The following ZNF599 variants were observed in gnomAD, a reference collection of about 807,000 sequenced individuals.
ZNF599 encodes the protein zinc finger protein 599.
In ZNF599, 10 loss-of-function variants were observed where a neutral mutation model predicts 11.7. That is an observed-to-expected ratio of 0.86 (90% CI 0.53 to 1.45). The LOEUF is 1.45. Among genes scored for constraint, ZNF599 ranks in the 40% most tolerant of loss-of-function variants. The pLI is 0.00. For missense variants in ZNF599, 688 were observed against 713.6 expected, an observed-to-expected ratio of 0.96 and a Z score of 0.41; for synonymous variants, 232 against 253.2, an observed-to-expected ratio of 0.92 and a Z score of 0.79.
At chr19:34,795,980 C>G in the ZNF599 span, among the ~76,000 whole-genome samples, 1 of 152,072 alleles carries the variant, frequency 6.6e-6, no homozygotes, top group Non-Finnish European at 1.5e-5. Context: ...TGCCACCACG[C>G]CCAGCTAATT....
chr19:34,759,818 T>C lies in ZNF599; in HGVS notation c.983A>G (p.Gln328Arg), dbSNP rs767378685. 6.2e-7 allele frequency: 1 copy of C among 1,614,218 alleles called. No homozygotes were observed. The highest frequency in any genetic ancestry group is 1.7e-5 in the Admixed American group (1 of 60,016). The change falls in exon 4 of 4, where the codon CAA becomes CGA. Residue 328 changes from glutamine to arginine, a missense_variant. Transcript: ENST00000329285. ...KAFYYSSSFA[Q>R]HMRIHTGKKL... ...CTTTCCAGTATGAATCCTCATATGT[T>C]GAGCAAATGAGGAGCTGTAGTAAAA...
rs2069087104 is a variant in ZNF599 at position 34,758,676 on chromosome 19, CATT to C, written c.*355_*357del. ...CTTCTAGATTGTTTCCTCCATCTCT[CATT>C]ATTTTAAAATATGCTTGAGATGGAT... On this transcript the variant is annotated 3_prime_UTR_variant, in exon 4 of 4. Transcript: ENST00000329285. The C allele has an allele frequency of 5.7e-6, 1 of 176,400 alleles. No homozygotes were observed. Among genetic ancestry groups the C allele is most frequent in the Admixed American group, 5.9e-5 (1 of 17,028 alleles). 10.9% of individuals were successfully genotyped at this position (176,400 alleles called of 1,614,324 possible).
At chr19:34,774,805 G>A (rs2069209197), upstream of ZNF599, among the ~76,000 whole-genome samples, 1 of 152,094 alleles carries the variant, frequency 6.6e-6, no homozygotes, top group African/African-American at 2.4e-5. Flanking sequence ...AAGATCTCAG[G>A]GTGATATGTT....
chr19:34,759,340 G>C lies in ZNF599; in HGVS notation c.1461C>G (p.Ala487=). The change falls in exon 4 of 4, where the codon GCC becomes GCG. Residue 487 remains alanine, a synonymous_variant. Transcript: ENST00000329285. The stretch of plus-strand genomic sequence containing the variant: ...GAGTGAAGGAAGAGCTATAGTAAAA[G>C]GCTTTTGCACATTCTTTGCACTCCA... ...KPLECKECAK[A]FYYSSSFTRH... The C allele has an allele frequency of 6.2e-7, 1 of 1,614,058 alleles. No individual in the cohort carries two copies. The highest frequency in any genetic ancestry group is 1.1e-5 in the South Asian group (1 of 91,080).
the ZNF599 span, among the ~76,000 whole-genome samples, chr19:34,802,867 G>T: frequency 1.3e-5 from 2 of 152,204 alleles, no homozygotes; most frequent in African/African-American, 4.8e-5. Flanking sequence ...CCTGGATAAT[G>T]CAAGAACTAA....
chr19:34,769,404 A>G (rs1173799244), intron 2 of ZNF599, 25 bp downstream of exon 2: 1 of 1,613,944 alleles, frequency 6.2e-7, no homozygotes, highest in African/African-American at 1.3e-5. Context: ...TGGGTCCCCT[A>G]CATGGGAGGG....
In ZNF599 at chr19:34,759,546, C is replaced by A. The variant is rs200075847; in HGVS notation, c.1255G>T (p.Gly419Ter). Residue 419 changes from glycine to a stop codon, truncating the protein, a stop_gained, in exon 4 of 4, where the codon GGA becomes TGA. Transcript: ENST00000329285. LOFTEE classifies it low-confidence loss of function (END_TRUNC). ...TFIRHKRTHT[G>*]EKPFECKECG... is the part of the protein sequence containing the mutation. ...TCTTTGCACTCAAAGGGCTTCTCTC[C>A]GGTATGGGTCCTCTTATGTCGGATG... The A allele has an allele frequency of 6.8e-6, 11 of 1,613,718 alleles. No individual in the cohort carries two copies. Among genetic ancestry groups the A allele is most frequent in the Non-Finnish European group, 7.6e-6 (9 of 1,179,912 alleles).
chr19:34,767,352 T>A lies in ZNF599; in HGVS notation c.205A>T (p.Thr69Ser). 1 of 1,614,156 alleles carries A rather than the reference T, an allele frequency of 6.2e-7. No homozygotes were observed. Among genetic ancestry groups the A allele is most frequent in the Non-Finnish European group, 8.5e-7 (1 of 1,180,018 alleles). The part of the protein sequence containing the change: ...YLLEHGQELW[T>S]VKRGLSQSTC... ...CTTTGGGAGAGGCCTCTCTTCACTG[T>A]CCACAGTTCCTGTCCATGTTCCAGT... Residue 69 changes from threonine to serine, a missense_variant, in exon 3 of 4, where the codon ACA (threonine) becomes TCA (serine). Physicochemically the swap from Thr to Ser is moderately conservative, Grantham distance 58 (BLOSUM62 1). Transcript: ENST00000329285.
chr19:34,791,332 A>C, the ZNF599 span, among the ~76,000 whole-genome samples: 1 of 152,226 alleles, frequency 6.6e-6, no homozygotes, highest in South Asian at 2.1e-4. Flanking sequence ...GAAAGCTTTA[A>C]ATTGAGCCAC....
chr19:34,781,119 GTAC>G, the ZNF599 span, among the ~76,000 whole-genome samples: 1 of 151,346 alleles, frequency 6.6e-6, no homozygotes, highest in Non-Finnish European at 1.5e-5. Context: ...TAGCGCCACT[GTAC>G]TCCAGCCTGG....
chr19:34,764,775 T>G (rs1046847725), intron 3 of ZNF599: 2 of 152,234 alleles, frequency 1.3e-5, no homozygotes, highest in Non-Finnish European at 2.9e-5. Flanking sequence ...AAGGAGCCTG[T>G]TAAGTGCTGA....
the ZNF599 span, among the ~76,000 whole-genome samples, chr19:34,799,691 G>T: frequency 1.3e-5 from 2 of 152,318 alleles, no homozygotes; most frequent in East Asian, 3.9e-4. Context: ...TATAAGAAAA[G>T]GAAGAGACAC....
the ZNF599 span, among the ~76,000 whole-genome samples, chr19:34,794,479 C>T: frequency 1.3e-5 from 2 of 152,248 alleles, no homozygotes; most frequent in African/African-American, 2.4e-5. Context: ...TTTTGATCAG[C>T]GGGGCCTTGT....
chr19:34,789,201 A>G, the ZNF599 span, among the ~76,000 whole-genome samples: 143,606 of 152,156 alleles, frequency 0.94, 68,102 homozygotes, highest in Middle Eastern at 0.99. Context: ...TTCACTTAAC[A>G]CAGTGTCCTC....
Position 34,772,808 on chromosome 19 carries a change from G to C in ZNF599, c.18+16C>G. The C allele has an allele frequency of 6.5e-7, 1 of 1,533,036 alleles. No individual in the cohort carries two copies. The highest frequency in any genetic ancestry group is 1.2e-5 in the South Asian group (1 of 83,674). The allele number at this position is 1,533,036 out of a possible 1,614,324, so 95.0% of individuals were successfully genotyped here. A position where few individuals can be genotyped will look rare whatever the true frequency, so the allele number is the denominator to read the frequency against. ...GGTGACCCGAGCTCGCGCGGGCTGC[G>C]GAACCCTCCACTCACCAACGCCGGC... On this transcript the variant is annotated intron_variant, in intron 1 of 3. Coordinates refer to ENST00000329285, the MANE Select transcript of ZNF599 (RefSeq NM_001007248.3).
chr19:34,781,135 G>A, the ZNF599 span, among the ~76,000 whole-genome samples: 1 of 150,672 alleles, frequency 6.6e-6, no homozygotes, highest in South Asian at 2.1e-4. Flanking sequence ...CAGCCTGGGT[G>A]ATAGAGCGAG....
the ZNF599 span, among the ~76,000 whole-genome samples, chr19:34,790,599 G>T: frequency 6.6e-6 from 1 of 152,160 alleles, no homozygotes; most frequent in African/African-American, 2.4e-5. Flanking sequence ...GAAGGCCTGG[G>T]GGGAGGAGGA....
intron 1 of ZNF599, chr19:34,772,546 A>G: frequency 7.5e-7 from 1 of 1,338,490 alleles, no homozygotes; most frequent in Non-Finnish European, 9.5e-7. Flanking sequence ...TGAGACTCGC[A>G]TTTTAGACCC....
At chr19:34,779,242 G>A in the ZNF599 span, among the ~76,000 whole-genome samples, 1 of 98,534 alleles carries the variant, frequency 1.0e-5, no homozygotes, top group African/African-American at 4.1e-5. Flanking sequence ...ACCATGCCCA[G>A]CTTTTTTTTT....
Sources: allele counts gnomAD v4.1 joint callset (sites outside exome capture counted in the v4.1 genomes callset), GRCh38; gene constraint gnomAD v4.1.1; transcripts MANE v1.5; gene names NCBI Gene and HGNC (gene_info 2026-07-23, HGNC 2026-07-21).